ANK2: variants seen among roughly 807,000 people sequenced by gnomAD.
ANK2 encodes ankyrin 2.
Under a neutral mutation model 360.5 loss-of-function variants are expected in ANK2, and 83 were observed. That is an observed-to-expected ratio of 0.23 (90% CI 0.19 to 0.28). The LOEUF (loss-of-function observed/expected upper bound fraction) is 0.28, where lower values mean the gene tolerates loss of function less well. ANK2 is among the 10% of genes least tolerant of loss of function. The probability of loss-of-function intolerance (pLI) is 1.00; values close to 1 mark genes in which losing one functional copy is unlikely to be tolerated. For synonymous variants in ANK2, 1,740 were observed against 1,759.5 expected (o/e 0.99, Z 0.28); for missense variants, 4,201 against 4,795.7 (o/e 0.88, Z 3.66).
In ANK2 at chr4:113,354,419, A is replaced by T. The variant is rs747756646; in HGVS notation, c.5801A>T (p.Glu1934Val). 3 of 1,614,098 alleles carry T rather than the reference A, an allele frequency of 1.9e-6. No homozygotes were observed. The Admixed American group carries it at 5.0e-5, about 27-fold the overall frequency. The change falls in exon 38 of 46, where the codon GAA becomes GTA. Residue 1934 changes from glutamate to valine, a missense_variant. Glu to Val is a moderately radical substitution (Grantham distance 121, BLOSUM62 -2). Transcript: ENST00000357077. ...CCGCCAGTATCGCCTGGGAGAACAG[A>T]AAAACGCTTGCCTGTTTCACCCTCC... ...KHPPVSPGRT[E>V]KRLPVSPSGR...
At chr4:112,719,070 A>C in the ANK2 span, among the ~76,000 whole-genome samples, 1 of 152,180 alleles carries the variant, frequency 6.6e-6, no homozygotes, top group East Asian at 1.9e-4. Flanking sequence ...ATACTAACTG[A>C]GCTCTGTGTG....
chr4:112,943,694 A>G (rs1457556250), intron 2 of ANK2, among the ~76,000 whole-genome samples: 1 of 152,098 alleles, frequency 6.6e-6, no homozygotes, highest in Non-Finnish European at 1.5e-5. Flanking sequence ...TGTGTATACA[A>G]GATGACAATG....
In ANK2 at chr4:113,336,003, G is replaced by T; in HGVS notation, c.3537G>T (p.Val1179=). The change falls in exon 30 of 46, where the codon GTG becomes GTT. Residue 1179 remains valine, a synonymous_variant. Coordinates refer to ENST00000357077, the MANE Select transcript of ANK2 (RefSeq NM_001148.6). ...TGAGCAGCACAGTGGTGCCCCAGGT[G>T]CAGGCCGTCTTCCCAGAGGGGGCAC... The part of the protein sequence containing the change: ...GVLSSTVVPQ[V]QAVFPEGALT... 1 of 1,614,156 alleles carries T rather than the reference G, an allele frequency of 6.2e-7. No individual in the cohort carries two copies. Among genetic ancestry groups the T allele is most frequent in the South Asian group, 1.1e-5 (1 of 91,084 alleles).
At chr4:113,169,826 A>T (rs954025346) in intron 1 of ANK2, among the ~76,000 whole-genome samples, 4 of 152,202 alleles carry the variant, frequency 2.6e-5, no homozygotes, top group African/African-American at 4.8e-5. Flanking sequence ...AACTTTGACA[A>T]ATTAAGTAAA....
the ANK2 span, among the ~76,000 whole-genome samples, chr4:112,777,103 T>C: frequency 1.3e-5 from 2 of 152,254 alleles, no homozygotes; most frequent in African/African-American, 4.8e-5. Flanking sequence ...ATATTCTTCT[T>C]AATTTAGTTA....
At chr4:113,101,579 G>T (rs1447124607) in intron 1 of ANK2, among the ~76,000 whole-genome samples, 1 of 151,974 alleles carries the variant, frequency 6.6e-6, no homozygotes, top group Non-Finnish European at 1.5e-5. Context: ...ATCTATCTAA[G>T]AAAAAGTTAC....
At chr4:112,723,487 C>T in the ANK2 span, among the ~76,000 whole-genome samples, 1 of 152,168 alleles carries the variant, frequency 6.6e-6, no homozygotes, top group Non-Finnish European at 1.5e-5. Flanking sequence ...CCTCAGCCTC[C>T]TGAGTAGCTG....
intron 1 of ANK2, among the ~76,000 whole-genome samples, chr4:113,159,234 TTTATA>T (rs2097422664): frequency 7.8e-6 from 1 of 127,766 alleles, no homozygotes; most frequent in Non-Finnish European, 1.7e-5. Flanking sequence ...CACACACTAG[TTTATA>T]TTATATTACA....
At chr4:113,193,851 G>A (rs1426986573) in intron 2 of ANK2, among the ~76,000 whole-genome samples, 1 of 151,912 alleles carries the variant, frequency 6.6e-6, no homozygotes, top group African/African-American at 2.4e-5. Flanking sequence ...TATTTTAATT[G>A]CCTTCTCCAA....
chr4:113,311,175 C>T (rs1033488371), intron 23 of ANK2, 80 bp from the exon 24 acceptor site: 6 of 1,560,430 alleles, frequency 3.8e-6, no homozygotes, highest in Non-Finnish European at 4.4e-6. Flanking sequence ...GATGTTGATG[C>T]ATTTCACAAT....
At chr4:113,190,905 A>C (rs192527119) in intron 2 of ANK2, among the ~76,000 whole-genome samples, 63 of 152,234 alleles carry the variant, frequency 4.1e-4, no homozygotes, top group African/African-American at 1.4e-3. Flanking sequence ...AGTTCAGATA[A>C]TTTTTCTTCT....
intron 2 of ANK2, among the ~76,000 whole-genome samples, chr4:112,920,032 C>T (rs186201290): frequency 1.3e-3 from 198 of 152,090 alleles, no homozygotes; most frequent in African/African-American, 4.6e-3. Flanking sequence ...AGGGCCTTTT[C>T]AGATCATTTG....
chr4:113,192,966 G>A (rs993690114), intron 2 of ANK2, among the ~76,000 whole-genome samples: 12 of 151,570 alleles, frequency 7.9e-5, no homozygotes, highest in Admixed American at 1.3e-4. Flanking sequence ...GCTAGACAGG[G>A]AGAAAAGATC....
At chr4:113,379,019 T>C (rs1397677392) in intron 45 of ANK2, among the ~76,000 whole-genome samples, 1 of 152,194 alleles carries the variant, frequency 6.6e-6, no homozygotes, top group Non-Finnish European at 1.5e-5. Context: ...TACAGAACTA[T>C]TTTAAGCCTT....
chr4:112,883,414 T>G (rs2077352199), intron 1 of ANK2, among the ~76,000 whole-genome samples: 1 of 152,162 alleles, frequency 6.6e-6, no homozygotes, highest in African/African-American at 2.4e-5. Flanking sequence ...GCTTTTCATT[T>G]GCATTTATGA....
chr4:112,881,834 T>C (rs1580412150), intron 1 of ANK2: 1 of 941,458 alleles, frequency 1.1e-6, no homozygotes, highest in Non-Finnish European at 1.7e-6. Flanking sequence ...CAAATATCTT[T>C]TTCACAGTTA....
the ANK2 span, among the ~76,000 whole-genome samples, chr4:112,796,479 C>CACACAG: frequency 6.9e-6 from 1 of 145,556 alleles, no homozygotes; most frequent in African/African-American, 2.6e-5. Flanking sequence ...CACACACACA[C>CACACAG]ATACATATCA....
intron 2 of ANK2, among the ~76,000 whole-genome samples, chr4:113,017,400 C>T (rs2056921231): frequency 6.6e-6 from 1 of 151,612 alleles, no homozygotes; most frequent in Non-Finnish European, 1.5e-5. Context: ...CAGACTGCTC[C>T]ATGCATGTCT....
At chr4:113,221,793 G>A (rs960305268) in intron 4 of ANK2, among the ~76,000 whole-genome samples, 1 of 152,188 alleles carries the variant, frequency 6.6e-6, no homozygotes, top group Non-Finnish European at 1.5e-5. Context: ...TGAGTAACTG[G>A]AAACATGCAA....
Sources: gnomAD v4.1 joint callset for allele counts (sites outside exome capture counted in the v4.1 genomes callset) on GRCh38, gnomAD v4.1.1 for gene constraint, MANE v1.5 for transcripts, NCBI Gene and HGNC (gene_info 2026-07-23, HGNC 2026-07-21) for gene names.